CDKL5: variants seen among roughly 807,000 people sequenced by gnomAD.
The protein encoded by CDKL5 is cyclin dependent kinase like 5, also known as cyclin-dependent kinase-like 5.
In CDKL5, 8 loss-of-function variants were observed where a neutral mutation model predicts 61.7. That is an observed-to-expected ratio of 0.13 (90% CI 0.08 to 0.23). The LOEUF is 0.23. Among genes scored for constraint, CDKL5 ranks in the 10% least tolerant of loss-of-function variants. The pLI is 1.00. For synonymous variants in CDKL5, 275 were observed against 272.3 expected (o/e 1.01, Z -0.10); for missense variants, 440 against 734.5 (o/e 0.60, Z 4.63).
Position 18,501,731 on chromosome X carries a change from T to C in CDKL5, c.-162-5204T>C, listed in dbSNP as rs760287083. 6.0e-3 allele frequency among the ~76,000 whole-genome samples: 658 copies of C among 109,166 alleles called. 10 individuals carry two copies. The highest frequency in any genetic ancestry group is 0.021 in the African/African-American group (631 of 29,882). 94.8% of individuals were successfully genotyped at this position (109,166 alleles called of 115,157 possible). ...ACCCAGCTAATTTTTGTATTTTTAGTAGAGATCGGGTTTCATCATATTGGT... is the reference window on the plus strand; with the variant it reads ...ACCCAGCTAATTTTTGTATTTTTAGCAGAGATCGGGTTTCATCATATTGGT... On this transcript the variant is annotated intron_variant, in intron 1 of 17. Coordinates refer to ENST00000623535, the MANE Select transcript of CDKL5 (RefSeq NM_001323289.2).
chrX:18,530,930 C>G (rs1381946287), intron 3 of CDKL5, among the ~76,000 whole-genome samples: 1 of 111,622 alleles, frequency 9.0e-6, no homozygotes, highest in Non-Finnish European at 1.9e-5. Flanking sequence ...CCTAAGAACT[C>G]CTTTATAAAT....
At chrX:18,496,591 C>T (rs1405651924) in intron 1 of CDKL5, among the ~76,000 whole-genome samples, 1 of 111,605 alleles carries the variant, frequency 9.0e-6, no homozygotes, top group Admixed American at 9.5e-5. Flanking sequence ...ATTCTGTTGG[C>T]CCCGTGACAG....
chrX:18,609,701 T>G, intron 14 of CDKL5, 131 bp downstream of exon 14: 1 of 1,086,492 alleles, frequency 9.2e-7, no homozygotes, highest in Non-Finnish European at 1.2e-6. Flanking sequence ...TCTCCCTGCC[T>G]CTGCTCCTGC....
chrX:18,555,648 GCATATCATATAA>G (rs1242852463), intron 3 of CDKL5, among the ~76,000 whole-genome samples: 1 of 111,952 alleles, frequency 8.9e-6, no homozygotes, highest in East Asian at 2.8e-4. Context: ...AACTCCTGTG[GCATATCATATAA>G]CACTTGTTAT....
intron 4 of CDKL5, among the ~76,000 whole-genome samples, chrX:18,565,505 A>T (rs1203898432): frequency 8.9e-6 from 1 of 112,124 alleles, no homozygotes; most frequent in African/African-American, 3.2e-5. Flanking sequence ...AGAAGTACCA[A>T]CACAGCATCA....
chrX:18,621,909 C>T (rs1926900381), intron 16 of CDKL5, among the ~76,000 whole-genome samples: 1 of 112,045 alleles, frequency 8.9e-6, no homozygotes, highest in East Asian at 2.8e-4. Flanking sequence ...ACATGTTTCT[C>T]TATCATGAGC....
At chrX:18,504,747 C>T (rs1020591656) in intron 1 of CDKL5, among the ~76,000 whole-genome samples, 2 of 109,778 alleles carry the variant, frequency 1.8e-5, no homozygotes, top group African/African-American at 3.3e-5. Flanking sequence ...CTGGCTAACA[C>T]GGTGAAACCC....
exon 21 of CDKL5, chrX:18,650,457 G>T: frequency 1.7e-6 from 2 of 1,211,696 alleles, no homozygotes; most frequent in East Asian, 5.9e-5. Flanking sequence ...CACTCCGTGC[G>T]TCCCAAACCG....
In CDKL5 at chrX:18,633,793, G is replaced by GT. The variant is rs1927303674; in HGVS notation, c.*5038dup. 1.3e-6 allele frequency: 1 copy of GT among 751,386 alleles called. No homozygotes were observed. The highest frequency in any genetic ancestry group is 2.3e-5 in the African/African-American group (1 of 42,832). 61.9% of individuals were successfully genotyped at this position (751,386 alleles called of 1,213,427 possible). On this transcript the variant is annotated 3_prime_UTR_variant, in exon 18 of 18. Transcript: ENST00000623535. ...GAATCTTCATTTCCCACAGTGGTTT[G>GT]TTCATTCATCAGCGTTAGGCTTGGT...
At chrX:18,617,243 T>C (rs1421397878) in intron 15 of CDKL5, among the ~76,000 whole-genome samples, 1 of 111,854 alleles carries the variant, frequency 8.9e-6, no homozygotes, top group African/African-American at 3.3e-5. Context: ...GCTTACCACT[T>C]GTCTCATTGC....
intron 1 of CDKL5, among the ~76,000 whole-genome samples, chrX:18,457,797 A>T (rs1312338269): frequency 1.9e-5 from 2 of 104,634 alleles, no homozygotes; most frequent in Non-Finnish European, 3.9e-5. Flanking sequence ...TATATTTTTA[A>T]TAGAGATGGG....
chrX:18,482,595 C>G (rs756771750), intron 1 of CDKL5, among the ~76,000 whole-genome samples: 110 of 110,751 alleles, frequency 9.9e-4, no homozygotes, highest in African/African-American at 3.4e-3. Context: ...TTTGCTTTTC[C>G]TCCCACTCAA....
chrX:18,579,265 A>G (rs753588944), intron 5 of CDKL5, among the ~76,000 whole-genome samples: 1 of 112,015 alleles, frequency 8.9e-6, no homozygotes, highest in Non-Finnish European at 1.9e-5. Flanking sequence ...TTTAGTTATA[A>G]TGGTCTCTGA....
In CDKL5 at chrX:18,500,511, A is replaced by G. The variant is rs188296717; in HGVS notation, c.-162-6424A>G. Among the ~76,000 whole-genome samples the G allele has an allele frequency of 6.3e-5, 7 of 111,690 alleles. No homozygotes were observed. The South Asian group carries it at 1.9e-3, about 30-fold the overall frequency. ...GGTTTGGATTATCTCTCTGGATTCT[A>G]TTCTTTTGCTTTGATTGCTTTGATT... On this transcript the variant is annotated intron_variant, in intron 1 of 17. Coordinates refer to ENST00000623535, the MANE Select transcript of CDKL5 (RefSeq NM_001323289.2).
intron 4 of CDKL5, among the ~76,000 whole-genome samples, chrX:18,568,896 T>C (rs1479751449): frequency 9.0e-6 from 1 of 111,155 alleles, no homozygotes; most frequent in Middle Eastern, 4.2e-3. Flanking sequence ...GGTCTCGCTA[T>C]GTTGCTCAGG....
intron 3 of CDKL5, among the ~76,000 whole-genome samples, chrX:18,527,636 G>A (rs1923492439): frequency 9.0e-6 from 1 of 110,795 alleles, no homozygotes; most frequent in African/African-American, 3.3e-5. Context: ...GGTTAATTTG[G>A]CTAGAGGTTT....
intron 1 of CDKL5, among the ~76,000 whole-genome samples, chrX:18,445,076 CTT>C (rs1187295211): frequency 5.5e-5 from 5 of 91,085 alleles, no homozygotes; most frequent in African/African-American, 1.2e-4. Context: ...GTTTGGGTCA[CTT>C]TTTTTTTTTT....
At chrX:18,625,024 G>T (rs375305783) in intron 16 of CDKL5, 104 bp from the exon 17 acceptor site, 1 of 749,395 alleles carries the variant, frequency 1.3e-6, no homozygotes. Context: ...TTTGAGTTTT[G>T]GTTTGGTTTG....
At chrX:18,518,388 A>C (rs7878112) in intron 3 of CDKL5, among the ~76,000 whole-genome samples, 1 of 21,162 alleles carries the variant, frequency 4.7e-5, no homozygotes, top group African/African-American at 1.6e-4. Context: ...TTCTTTTCTT[A>C]TTTTTTTTTT....
Sources: gnomAD v4.1 joint callset for allele counts (sites outside exome capture counted in the v4.1 genomes callset) on GRCh38, gnomAD v4.1.1 for gene constraint, MANE v1.5 for transcripts, NCBI Gene and HGNC (gene_info 2026-07-23, HGNC 2026-07-21) for gene names.